RECQL4: variants seen among roughly 807,000 people sequenced by gnomAD.
The protein encoded by RECQL4 is RecQ like helicase 4, also known as ATP-dependent DNA helicase Q4.
RECQL4 carries 158 observed loss-of-function variants against 128.6 expected under a neutral mutation model. The ratio of observed to expected loss-of-function variants is 1.23; its 90% confidence interval spans 1.08 to 1.40. The LOEUF is 1.40. RECQL4 is among the 40% of genes most tolerant of loss of function. The pLI is 0.00. For missense variants in RECQL4, 2,293 were observed against 1,649.8 expected (o/e 1.39, Z -6.75); for synonymous variants, 996 against 678.9 (o/e 1.47, Z -7.26).
Position 144,516,813 on chromosome 8 carries a change from A to ACAGG in RECQL4, c.355-50_355-49insCCTG. On this transcript the variant is annotated intron_variant, in intron 4 of 20. Transcript: ENST00000617875. The stretch of plus-strand genomic sequence containing the variant: ...CAGGAGGAACTCAGGCCCCTGAGCT[A>ACAGG]CTGTAGACTCTAAAACCTACCTGAG... The ACAGG allele has an allele frequency of 2.0e-6, 3 of 1,494,444 alleles. No homozygotes were observed. The South Asian group carries it at 4.1e-5, about 20-fold the overall frequency. 92.6% of individuals were successfully genotyped at this position (1,494,444 alleles called of 1,614,324 possible).
Position 144,512,267 on chromosome 8 carries a change from C to T in RECQL4, c.3113G>A (p.Arg1038His), listed in dbSNP as rs374254271. Reference protein sequence around the residue: ...VEFSELAFHLRSPGDLTAEEK... With the variant: ...VEFSELAFHLHSPGDLTAEEK... ...CTCAGCGGTCAAGTCCCCCGGGCTGCGAAGGTGGAAGGCCAGCTCACTGAA... is the reference window on the plus strand; with the variant it reads ...CTCAGCGGTCAAGTCCCCCGGGCTGTGAAGGTGGAAGGCCAGCTCACTGAA... The change falls in exon 18 of 21, where the codon CGC becomes CAC. Residue 1038 changes from arginine (R) to histidine (H), a missense_variant. Physicochemically the swap from Arg to His is conservative, Grantham distance 29. Transcript: ENST00000617875. 35 of 1,612,492 alleles carry T rather than the reference C, an allele frequency of 2.2e-5. No individual in the cohort carries two copies. The highest frequency in any genetic ancestry group is 3.3e-4 in the Middle Eastern group (2 of 6,060).
In RECQL4 at chr8:144,517,152, C is replaced by G. The variant is rs1483294893; in HGVS notation, c.252G>C (p.Arg84=). The change falls in exon 4 of 21, where the codon CGG becomes CGC. Residue 84 remains arginine, a synonymous_variant. Coordinates refer to ENST00000617875, the MANE Select transcript of RECQL4 (RefSeq NM_004260.4). ...EPRCWGPHLN[R]AATKSPQSTP... ...TAGACTGTGGACTCTTGGTCGCAGC[C>G]CGATTCAGATGGGGCCCCCAGCAGC... 1.9e-6 allele frequency: 3 copies of G among 1,610,688 alleles called. No individual in the cohort carries two copies. Among genetic ancestry groups the G allele is most frequent in the Non-Finnish European group, 2.5e-6 (3 of 1,179,298 alleles).
rs772780752 is a variant in RECQL4 at position 144,512,540 on chromosome 8, G to A, written c.2907C>T (p.Cys969=). ...GGTCCTCAGGCAGCTGCTGGGCCAA[G>A]CACACAGCCAAAGGGGGACACCTGT... is the stretch of plus-strand genomic sequence containing the variant. ...LAHRCPPLAV[C]LAQQLPEDPG... Residue 969 remains cysteine (C), a synonymous_variant, in exon 17 of 21, where the codon TGC becomes TGT. Coordinates refer to ENST00000617875, the MANE Select transcript of RECQL4 (RefSeq NM_004260.4). 6.2e-7 allele frequency: 1 copy of A among 1,612,592 alleles called. No homozygotes were observed. The highest frequency in any genetic ancestry group is 8.5e-7 in the Non-Finnish European group (1 of 1,179,830).
rs907136804 is a variant in RECQL4 at position 144,516,207 on chromosome 8, C to T, written c.912G>A (p.Gln304=). The change falls in exon 5 of 21, where the codon CAG becomes CAA. Residue 304 remains glutamine, a synonymous_variant. Transcript: ENST00000617875. ...TGCTGCAGGGCTGAGGTGGCTGTGC[C>T]TGTACAGGTTCCCCTGGAGGGTCTT... The part of the protein sequence containing the change: ...VEEDPPGEPV[Q]AQPPQPCSSP... The T allele has an allele frequency of 4.3e-6, 7 of 1,613,322 alleles. No individual in the cohort carries two copies. The highest frequency in any genetic ancestry group is 3.3e-5 in the Admixed American group (2 of 60,022).
At chr8:144,514,628 G>T in intron 9 of RECQL4, 103 bp from the exon 10 acceptor site, 2 of 1,247,092 alleles carry the variant, frequency 1.6e-6, no homozygotes, top group Non-Finnish European at 2.2e-6. Context: ...CCTCAGGGGA[G>T]AGGAGAACCA....
In RECQL4 at chr8:144,516,415, TG is replaced by T; in HGVS notation, c.703del (p.Gln235ArgfsTer58). 1 of 1,609,314 alleles carries T rather than the reference TG, an allele frequency of 6.2e-7. No homozygotes were observed. On this transcript the variant is annotated frameshift_variant, in exon 5 of 21. Transcript: ENST00000617875. LOFTEE classifies it high-confidence loss of function. Reference protein sequence around the residue: ...SAVLGPGAGSQGPEASAFQEV... With the variant: ...SAVLGPGAGSXGPEASAFQEV... ...TTGGAAGGCTGAAGCCTCTGGGCCC[TG>T]GGAGCCAGCACCAGGACCAAGGACA...
chr8:144,511,584 G>A, intron 20 of RECQL4, 29 bp from the exon 21 acceptor site: 3 of 1,608,374 alleles, frequency 1.9e-6, no homozygotes, highest in African/African-American at 2.7e-5. Flanking sequence ...ACAGCCGTGA[G>A]CCCCAGCCCC....
chr8:144,512,883 G>T lies in RECQL4; in HGVS notation c.2719C>A (p.Gln907Lys). The T allele has an allele frequency of 6.3e-7, 1 of 1,595,880 alleles. No individual in the cohort carries two copies. The highest frequency in any genetic ancestry group is 8.5e-7 in the Non-Finnish European group (1 of 1,171,328). Residue 907 changes from glutamine to lysine, a missense_variant, in exon 15 of 21, where the codon CAG becomes AAG. By Grantham distance (53) the Gln-to-Lys change is moderately conservative. Coordinates refer to ENST00000617875, the MANE Select transcript of RECQL4 (RefSeq NM_004260.4). ...ATGTCCAAAGCCTGTACGGTAAGCTGTATTGGGAGTGCCCGCTCATGGCCC... is the reference window on the plus strand; with the variant it reads ...ATGTCCAAAGCCTGTACGGTAAGCTTTATTGGGAGTGCCCGCTCATGGCCC... ...CMGHERALPI[Q>K]LTVQALDMPE...
rs1422782410 is a variant in RECQL4, at chr8:144,511,666, C to T, written c.3502+15G>A. 1 of 1,611,462 alleles carries T rather than the reference C, an allele frequency of 6.2e-7. No homozygotes were observed. Among genetic ancestry groups the T allele is most frequent in the Middle Eastern group, 1.7e-4 (1 of 6,058 alleles). On this transcript the variant is annotated intron_variant, in intron 20 of 20. Coordinates refer to ENST00000617875, the MANE Select transcript of RECQL4 (RefSeq NM_004260.4). Reference sequence around the variant, plus strand: ...CAGCCCCAGCCTGCAGCGGGTGGGGCCTCCCAGGCCTCACCGATGCCGTGG... The same window carrying T: ...CAGCCCCAGCCTGCAGCGGGTGGGGTCTCCCAGGCCTCACCGATGCCGTGG...
intron 12 of RECQL4, 78 bp from the exon 13 acceptor site, chr8:144,513,790 G>A: frequency 1.6e-6 from 1 of 613,900 alleles, no homozygotes; most frequent in Non-Finnish European, 2.1e-6. Flanking sequence ...GGAGGGGTCG[G>A]CGTGGGGAGT....
chr8:144,516,903 C>T (rs981725159), intron 4 of RECQL4, 139 bp from the exon 5 acceptor site: 101 of 1,384,110 alleles, frequency 7.3e-5, no homozygotes, highest in Non-Finnish European at 9.1e-5. Context: ...GAGTCAAGGG[C>T]GAAGGCCCCG....
rs576735078 is a variant in RECQL4 at position 144,516,629 on chromosome 8, C to T, written c.490G>A (p.Glu164Lys). 4 of 1,610,446 alleles carry T rather than the reference C, an allele frequency of 2.5e-6. No individual in the cohort carries two copies. In the African/African-American group the frequency reaches 4.0e-5, roughly 16 times the overall value. The change falls in exon 5 of 21, where the codon GAG becomes AAG. Residue 164 changes from glutamate to lysine, a missense_variant. Glu to Lys is a moderately conservative substitution (Grantham distance 56). Coordinates refer to ENST00000617875, the MANE Select transcript of RECQL4 (RefSeq NM_004260.4). ...AGCCGGCCTGGCCTTGGCTGGGGCTCAGGGAGCTGTGGAGGCTCATCACTG... is the reference window on the plus strand; with the variant it reads ...AGCCGGCCTGGCCTTGGCTGGGGCTTAGGGAGCTGTGGAGGCTCATCACTG... ...KVSDEPPQLPEPQPRPGRLQH... is the reference protein window; with the variant it reads ...KVSDEPPQLPKPQPRPGRLQH...
Position 144,517,655 on chromosome 8 carries a change from G to C in RECQL4, c.85-20C>G. On this transcript the variant is annotated intron_variant, in intron 1 of 20. Transcript: ENST00000617875. ...GTCGTCCTGTAAAGGGAACGCGTCA[G>C]CCGCGGGCCGCGCCCTCAGCCCCTC... 6.8e-7 allele frequency: 1 copy of C among 1,472,128 alleles called. No individual in the cohort carries two copies. The allele number at this position is 1,472,128 out of a possible 1,614,324, so 91.2% of individuals were successfully genotyped here.
At position 144,515,073 on chromosome 8, in the gene RECQL4, C is replaced by T. The variant is rs747347012; in HGVS notation, c.1484-1G>A. ...GGCAGCACCAGCAGCGTGGAGATGC[C>T]TGGATGGGGCGGGAGTCAGCAGCAG... On this transcript the variant is annotated splice_acceptor_variant, in intron 8 of 20. Coordinates refer to ENST00000617875, the MANE Select transcript of RECQL4 (RefSeq NM_004260.4). LOFTEE classifies it high-confidence loss of function. 6.2e-7 allele frequency: 1 copy of T among 1,604,946 alleles called. No homozygotes were observed. The highest frequency in any genetic ancestry group is 2.2e-5 in the East Asian group (1 of 44,524).
At position 144,516,012 on chromosome 8, in the gene RECQL4, G is replaced by T. The variant is rs773121187; in HGVS notation, c.1107C>A (p.Leu369=). The T allele has an allele frequency of 1.2e-6, 2 of 1,610,048 alleles. No individual in the cohort carries two copies. Among genetic ancestry groups the T allele is most frequent in the Admixed American group, 3.3e-5 (2 of 59,962 alleles). ...KQKHYVRGRA[L]RSRLLRKQAW... ...CCTGCTTGCGGAGGAGCCTGCTACG[G>T]AGTGCCCGGCCCCGCACGTAGTGTT... Residue 369 remains leucine (L), a synonymous_variant, in exon 5 of 21, where the codon CTC becomes CTA. Transcript: ENST00000617875.
At position 144,512,074 on chromosome 8, in the gene RECQL4, G is replaced by A. The variant is rs1217004039; in HGVS notation, c.3237-7C>T. 1.9e-6 allele frequency: 3 copies of A among 1,606,898 alleles called. No individual in the cohort carries two copies. Among genetic ancestry groups the A allele is most frequent in the South Asian group, 1.1e-5 (1 of 90,280 alleles). ...GCAGCTGGGGAAGGCTACGCTGTGG[G>A]GAGGAGCCTGTCAGAGCTGATCACT... On this transcript the variant is annotated splice_region_variant and splice_polypyrimidine_tract_variant and intron_variant, in intron 18 of 20. Transcript: ENST00000617875.
At position 144,514,057 on chromosome 8, in the gene RECQL4, T is replaced by C. The variant is rs761693070; in HGVS notation, c.1929A>G (p.Thr643=). 4 of 1,585,958 alleles carry C rather than the reference T, an allele frequency of 2.5e-6. No individual in the cohort carries two copies. The highest frequency in any genetic ancestry group is 2.3e-5 in the South Asian group (2 of 87,604). The part of the protein sequence containing the change: ...GVHCFLGLTA[T]ATRRTASDVA... ...CGTCACTGGCAGTGCGGCGTGTGGC[T>C]GTGGCTGTGAGGCCCAGGAAGCAGT... Residue 643 remains threonine, a synonymous_variant, in exon 12 of 21, where the codon ACA becomes ACG. Transcript: ENST00000617875.
intron 4 of RECQL4, 120 bp from the exon 5 acceptor site, chr8:144,516,884 C>CT (rs1174444748): frequency 1.4e-6 from 2 of 1,383,708 alleles, no homozygotes; most frequent in Non-Finnish European, 1.9e-6. Context: ...CAAGGCTGGA[C>CT]TAGAAAGGGA....
chr8:144,517,596 G>A lies in RECQL4; in HGVS notation c.118+6C>T. 6.8e-7 allele frequency: 1 copy of A among 1,481,054 alleles called. No homozygotes were observed. Among genetic ancestry groups the A allele is most frequent in the Non-Finnish European group, 8.9e-7 (1 of 1,124,468 alleles). 91.7% of individuals were successfully genotyped at this position (1,481,054 alleles called of 1,614,324 possible). On this transcript the variant is annotated splice_donor_region_variant and intron_variant, in intron 2 of 20. Coordinates refer to ENST00000617875, the MANE Select transcript of RECQL4 (RefSeq NM_004260.4). ...TCTCGCCCCCGCCGCCCCGCCGCGC[G>A]CTCACCGCGGGTCTCCTCCGGCGCC...
Sources: gnomAD v4.1 joint callset for allele counts on GRCh38, gnomAD v4.1.1 for gene constraint, MANE v1.5 for transcripts, NCBI Gene and HGNC (gene_info 2026-07-23, HGNC 2026-07-21) for gene names.